KRT80: variants seen among roughly 807,000 people sequenced by gnomAD.
KRT80 encodes the protein keratin, type II cytoskeletal 80.
Under a neutral mutation model 51.5 loss-of-function variants are expected in KRT80, and 36 were observed. The observed-to-expected ratio is 0.70, with a 90% CI of 0.54 to 0.92. The LOEUF is 0.92. Ranked by LOEUF, KRT80 falls within the 40% of genes least tolerant of loss-of-function variation. The pLI is 0.00. For synonymous variants in KRT80, 235 were observed against 248.3 expected (o/e 0.95, Z 0.50); for missense variants, 566 against 591.7 (o/e 0.96, Z 0.45).
chr12:52,180,593 A>G lies in KRT80; in HGVS notation c.586T>C (p.Cys196Arg), dbSNP rs763539651. 6.6e-7 allele frequency: 1 copy of G among 1,506,936 alleles called. No individual in the cohort carries two copies. Among genetic ancestry groups the G allele is most frequent in the Admixed American group, 2.3e-5 (1 of 42,702 alleles). The allele number at this position is 1,506,936 out of a possible 1,614,324, so 93.3% of individuals were successfully genotyped here. ...VQLKKDLDAE[C>R]LHRTELETKL... ...GTTTCCAGTTCAGTCCGATGAAGAC[A>G]CTCTGCATCCAGGTCCTGGGGTTGG... The change falls in exon 4 of 9, where the codon TGT (cysteine) becomes CGT (arginine). Residue 196 changes from cysteine to arginine, a missense_variant. Coordinates refer to ENST00000394815, the MANE Select transcript of KRT80 (RefSeq NM_182507.3).
At chr12:52,186,722 G>A (rs556679328) in intron 1 of KRT80, among the ~76,000 whole-genome samples, 94 of 152,304 alleles carry the variant, frequency 6.2e-4, no homozygotes, top group Non-Finnish European at 9.0e-4. Context: ...TCCAGTTAGG[G>A]ACAGTTTTGC....
intron 1 of KRT80, among the ~76,000 whole-genome samples, chr12:52,187,585 G>A (rs1160037980): frequency 1.3e-5 from 2 of 152,314 alleles, no homozygotes; most frequent in African/African-American, 4.8e-5. Context: ...AACGCCAGCA[G>A]GAATACTGGA....
intron 2 of KRT80, 127 bp from the exon 3 acceptor site, chr12:52,181,090 G>A (rs1217072425): frequency 3.3e-6 from 2 of 606,322 alleles, no homozygotes; most frequent in Non-Finnish European, 5.4e-6. Context: ...AAGAAAAGCA[G>A]CCCATCCTTC....
chr12:52,183,621 A>G (rs752460312), intron 2 of KRT80, among the ~76,000 whole-genome samples: 1 of 152,368 alleles, frequency 6.6e-6, no homozygotes, highest in East Asian at 1.9e-4. Context: ...AGAGTCAGGT[A>G]GCAGGCGGAT....
At chr12:52,172,843 T>C (rs1941135799) in intron 6 of KRT80, among the ~76,000 whole-genome samples, 195 bp downstream of exon 6, 1 of 152,198 alleles carries the variant, frequency 6.6e-6, no homozygotes, top group Non-Finnish European at 1.5e-5. Flanking sequence ...AGAGTATTTT[T>C]GTATGCAGAG....
At chr12:52,175,675 C>T (rs1289573285) in intron 4 of KRT80, among the ~76,000 whole-genome samples, 2 of 152,024 alleles carry the variant, frequency 1.3e-5, no homozygotes, top group East Asian at 3.9e-4. Context: ...CCTGTCTCTG[C>T]CCTGGAGCTG....
At chr12:52,183,685 T>A (rs1735855055) in intron 2 of KRT80, among the ~76,000 whole-genome samples, 1 of 152,068 alleles carries the variant, frequency 6.6e-6, no homozygotes, top group South Asian at 2.1e-4. Flanking sequence ...AAACAACAGG[T>A]AGTGTGTGTA....
chr12:52,179,581 T>G (rs1008856365), intron 4 of KRT80, among the ~76,000 whole-genome samples: 2 of 152,180 alleles, frequency 1.3e-5, no homozygotes, highest in Admixed American at 6.5e-5. Flanking sequence ...GACAGGGCCA[T>G]GAGGCCCGGT....
At chr12:52,186,748 T>G (rs1227725617) in intron 1 of KRT80, among the ~76,000 whole-genome samples, 3 of 152,174 alleles carry the variant, frequency 2.0e-5, no homozygotes, top group Non-Finnish European at 2.9e-5. Context: ...GGTGAAACCC[T>G]GGGAGGGCTC....
intron 1 of KRT80, 132 bp from the exon 2 acceptor site, chr12:52,185,719 G>A (rs748616554): frequency 1.3e-5 from 19 of 1,515,440 alleles, no homozygotes; most frequent in East Asian, 7.4e-5. Context: ...CACCCAGGGC[G>A]CTCACTCAGC....
rs1406739816 is a variant in KRT80, at chr12:52,185,529, C to A, written c.359G>T (p.Gly120Val). Reference protein sequence around the residue: ...LLETRWSFLQGQDSAIFDLGH... With the variant: ...LLETRWSFLQVQDSAIFDLGH... ...GAGGTCGAAGATGGCTGAGTCCTGG[C>A]CCTGCAGGAAGCTCCAGCGTGTCTC... is the stretch of plus-strand genomic sequence containing the variant. Residue 120 changes from glycine (G) to valine (V), a missense_variant, in exon 2 of 9, where the codon GGC becomes GTC. Gly to Val is a moderately radical substitution (Grantham distance 109). Transcript: ENST00000394815. 1 of 1,613,304 alleles carries A rather than the reference C, an allele frequency of 6.2e-7. No individual in the cohort carries two copies. Among genetic ancestry groups the A allele is most frequent in the Admixed American group, 1.7e-5 (1 of 60,028 alleles).
intron 4 of KRT80, among the ~76,000 whole-genome samples, chr12:52,177,488 C>T (rs996003251): frequency 1.3e-5 from 2 of 152,138 alleles, no homozygotes; most frequent in Admixed American, 1.3e-4. Context: ...GGGAGCTGGA[C>T]TGTGTCTCAG....
chr12:52,191,955 GGGTTGCGTCGGGTGGCAGGCTCT>G lies in KRT80; in HGVS notation c.-76_-54del. ...CCAGGGGGGTGAGCGAGTGAGCCTG[GGGTTGCGTCGGGTGGCAGGCTCT>G]GGTTGCTCTGGTCACAGCTGGGGCG... On this transcript the variant is annotated 5_prime_UTR_variant, in exon 1 of 9. Transcript: ENST00000394815. 2 of 1,404,420 alleles carry G rather than the reference GGGTTGCGTCGGGTGGCAGGCTCT, an allele frequency of 1.4e-6. No individual in the cohort carries two copies. The highest frequency in any genetic ancestry group is 1.9e-6 in the Non-Finnish European group (2 of 1,071,100). 87.0% of individuals were successfully genotyped at this position (1,404,420 alleles called of 1,614,324 possible). A position where few individuals can be genotyped will look rare whatever the true frequency, so the allele number is the denominator to read the frequency against.
chr12:52,188,262 G>A (rs892115784), intron 1 of KRT80, among the ~76,000 whole-genome samples: 3 of 152,198 alleles, frequency 2.0e-5, no homozygotes, highest in African/African-American at 7.2e-5. Context: ...TGTTCTGCCT[G>A]GCCCTCTGCC....
In KRT80 at chr12:52,173,120, A is replaced by T; in HGVS notation, c.875T>A (p.Leu292His). The T allele has an allele frequency of 6.2e-7, 1 of 1,613,272 alleles. No homozygotes were observed. Among genetic ancestry groups the T allele is most frequent in the South Asian group, 1.1e-5 (1 of 90,994 alleles). The change falls in exon 6 of 9, where the codon CTC (leucine) becomes CAC (histidine). Residue 292 changes from leucine (L) to histidine (H), a missense_variant. By Grantham distance (99) the Leu-to-His change is moderately conservative. Coordinates refer to ENST00000394815, the MANE Select transcript of KRT80 (RefSeq NM_182507.3). ...CGCGATCTCGCTGCGGCTGCTCTGG[A>T]GGCTGCTCCCATACTCGGCCGAGCG... Reference protein sequence around the residue: ...AARSAEYGSSLQSSRSEIADL... With the variant: ...AARSAEYGSSHQSSRSEIADL...
rs11832402 is a variant in KRT80, at chr12:52,173,020, C to T, written c.957+18G>A. On this transcript the variant is annotated intron_variant, in intron 6 of 8. Coordinates refer to ENST00000394815, the MANE Select transcript of KRT80 (RefSeq NM_182507.3). ...CTGCTCTCCTCCCCGCCCCCAGGCG[C>T]GTCCCCCAGATACTCACATGGCTCT... 1.8e-3 allele frequency: 2,794 copies of T among 1,594,958 alleles called. 38 individuals carry two copies. The African/African-American group carries it at 0.032, about 19-fold the overall frequency.
At chr12:52,181,511 G>T (rs548277009) in intron 2 of KRT80, among the ~76,000 whole-genome samples, 1 of 152,142 alleles carries the variant, frequency 6.6e-6, no homozygotes, top group East Asian at 1.9e-4. Context: ...GGGACCCCCA[G>T]TGTGTTTTTG....
chr12:52,178,060 A>G (rs533700772), intron 4 of KRT80, among the ~76,000 whole-genome samples: 4 of 152,304 alleles, frequency 2.6e-5, no homozygotes, highest in African/African-American at 9.6e-5. Context: ...TGTGGGGAAT[A>G]GTTTTGGCAA....
At chr12:52,173,485 C>T in intron 5 of KRT80, 115 bp downstream of exon 5, 1 of 859,980 alleles carries the variant, frequency 1.2e-6, no homozygotes, top group Non-Finnish European at 1.8e-6. Context: ...ATTCCTCTCT[C>T]ATAGACTTTC....
Sources: gnomAD v4.1 joint callset for allele counts (sites outside exome capture counted in the v4.1 genomes callset) on GRCh38, gnomAD v4.1.1 for gene constraint, MANE v1.5 for transcripts, NCBI Gene and HGNC (gene_info 2026-07-23, HGNC 2026-07-21) for gene names.